Variants in NTM observed in about 807,000 individuals in gnomAD.
NTM encodes IgLON family member 2.
Under a neutral mutation model 42.1 loss-of-function variants are expected in NTM, and 13 were observed. That is an observed-to-expected ratio of 0.31 (90% CI 0.20 to 0.49). The LOEUF (loss-of-function observed/expected upper bound fraction) is 0.49. Among genes scored for constraint, NTM ranks in the 20% least tolerant of loss-of-function variants. The probability of loss-of-function intolerance (pLI) is 0.99; values close to 1 mark genes in which losing one functional copy is unlikely to be tolerated. For missense variants in NTM, 373 were observed against 452.8 expected (o/e 0.82, Z 1.60); for synonymous variants, 187 against 179.2 (o/e 1.04, Z -0.35).
chr11:131,735,289 C>A (rs775211870), intron 1 of NTM, among the ~76,000 whole-genome samples: 3 of 152,198 alleles, frequency 2.0e-5, no homozygotes, highest in Non-Finnish European at 4.4e-5. Context: ...AATGGGGTTC[C>A]CACTTCATTT....
chr11:131,870,194 A>G (rs543261866), intron 1 of NTM, among the ~76,000 whole-genome samples: 2 of 152,358 alleles, frequency 1.3e-5, no homozygotes, highest in African/African-American at 4.8e-5. Context: ...AAGTCACAGT[A>G]GAAAGAAAGT....
chr11:132,299,832 A>G (rs2094776149), intron 4 of NTM, among the ~76,000 whole-genome samples: 2 of 152,112 alleles, frequency 1.3e-5, no homozygotes, highest in Admixed American at 1.3e-4. Context: ...AGATCATCAG[A>G]TTCTCTTTTC....
intron 1 of NTM, among the ~76,000 whole-genome samples, chr11:131,431,558 A>C (rs1179414556): frequency 2.0e-5 from 3 of 152,112 alleles, no homozygotes. Flanking sequence ...GCTTCCCTCC[A>C]CAAGGAAGAA....
chr11:131,787,354 G>GATTATTATTATTATCATTATT (rs1555125915), intron 1 of NTM, among the ~76,000 whole-genome samples: 2 of 144,436 alleles, frequency 1.4e-5, no homozygotes, highest in Non-Finnish European at 3.0e-5. Flanking sequence ...CATAATACAA[G>GATTATTATTATTATCATTATT]ATTATTATTA....
At chr11:131,956,825 G>A (rs2061608723) in intron 2 of NTM, among the ~76,000 whole-genome samples, 1 of 152,120 alleles carries the variant, frequency 6.6e-6, no homozygotes, top group African/African-American at 2.4e-5. Flanking sequence ...CCTGAAGCCA[G>A]GCAAAAGGCC....
At chr11:131,655,115 A>G (rs1386119602) in intron 1 of NTM, among the ~76,000 whole-genome samples, 1 of 152,152 alleles carries the variant, frequency 6.6e-6, no homozygotes, top group Non-Finnish European at 1.5e-5. Context: ...AATCACTCAG[A>G]GAGTTTTTAG....
intron 2 of NTM, among the ~76,000 whole-genome samples, chr11:132,143,696 C>T (rs1181622923): frequency 1.3e-5 from 2 of 152,100 alleles, no homozygotes; most frequent in Non-Finnish European, 2.9e-5. Context: ...GAGCAGTGGC[C>T]ACCCTTCAGA....
At chr11:132,132,446 G>A (rs1044535471) in intron 2 of NTM, among the ~76,000 whole-genome samples, 10 of 152,160 alleles carry the variant, frequency 6.6e-5, no homozygotes, top group South Asian at 2.1e-4. Flanking sequence ...AATATGTTTT[G>A]TTCTGGAGAG....
intron 1 of NTM, among the ~76,000 whole-genome samples, chr11:131,563,579 CTTTTT>C (rs71911433): frequency 3.9e-4 from 35 of 88,766 alleles, no homozygotes; most frequent in South Asian, 2.1e-3. Flanking sequence ...GCTCCAGACA[CTTTTT>C]TTTTTTTTTT....
chr11:131,674,534 C>T (rs1488714057), intron 1 of NTM, among the ~76,000 whole-genome samples: 1 of 152,310 alleles, frequency 6.6e-6, no homozygotes, highest in Non-Finnish European at 1.5e-5. Flanking sequence ...GCTGGCCACT[C>T]GCTGGTATCA....
chr11:131,498,749 G>T (rs1363795965), intron 1 of NTM, among the ~76,000 whole-genome samples: 5 of 152,204 alleles, frequency 3.3e-5, no homozygotes, highest in African/African-American at 1.2e-4. Context: ...GAAGGGCTGG[G>T]GGGAAGCCAG....
At chr11:131,565,491 C>A (rs1394289451) in intron 1 of NTM, among the ~76,000 whole-genome samples, 1 of 152,172 alleles carries the variant, frequency 6.6e-6, no homozygotes, top group East Asian at 1.9e-4. Context: ...GTACACAGCT[C>A]GGTTGCTGGC....
At chr11:131,896,679 C>CTTTTTTT (rs71067345) in intron 1 of NTM, among the ~76,000 whole-genome samples, 9 of 100,612 alleles carry the variant, frequency 8.9e-5, no homozygotes, top group African/African-American at 1.2e-4. Flanking sequence ...ACATTTTAGG[C>CTTTTTTT]TTTTTTTTTT....
chr11:132,162,294 T>C (rs1030625752), intron 3 of NTM, among the ~76,000 whole-genome samples: 4 of 151,418 alleles, frequency 2.6e-5, no homozygotes, highest in Non-Finnish European at 5.9e-5. Flanking sequence ...TGCTTGTGTA[T>C]GTGTGAAGAG....
chr11:132,227,860 T>C (rs978468431), intron 4 of NTM, among the ~76,000 whole-genome samples: 3 of 151,886 alleles, frequency 2.0e-5, no homozygotes, highest in East Asian at 1.9e-4. Flanking sequence ...ACGGGAAAAA[T>C]TGCTTGGAGT....
At chr11:131,372,530 G>C (rs1168265362) in intron 1 of NTM, among the ~76,000 whole-genome samples, 1 of 151,992 alleles carries the variant, frequency 6.6e-6, no homozygotes, top group East Asian at 1.9e-4. Context: ...TTCAGGATCG[G>C]GCAGTTTCGG....
intron 2 of NTM, among the ~76,000 whole-genome samples, chr11:131,972,830 G>A (rs890261007): frequency 1.3e-5 from 2 of 152,134 alleles, no homozygotes; most frequent in Non-Finnish European, 2.9e-5. Flanking sequence ...TTAAATGAAA[G>A]AAAGCCTGTG....
intron 4 of NTM, among the ~76,000 whole-genome samples, chr11:132,258,642 G>A (rs1566597833): frequency 1.3e-5 from 2 of 152,104 alleles, no homozygotes; most frequent in African/African-American, 2.4e-5. Flanking sequence ...AAGATTGTTG[G>A]CCACAAAAGA....
chr11:132,270,564 C>T (rs1437014977), intron 4 of NTM, among the ~76,000 whole-genome samples: 1 of 151,878 alleles, frequency 6.6e-6, no homozygotes, highest in Non-Finnish European at 1.5e-5. Context: ...TTTATTTGTC[C>T]AAAGAAATTT....
Sources: allele counts gnomAD v4.1 joint callset (sites outside exome capture counted in the v4.1 genomes callset), GRCh38; gene constraint gnomAD v4.1.1; transcripts MANE v1.5; gene names NCBI Gene and HGNC (gene_info 2026-07-23, HGNC 2026-07-21).